DLGAP2: variants seen among roughly 807,000 people sequenced by gnomAD.
The protein encoded by DLGAP2 is disks large-associated protein 2.
DLGAP2 carries 26 observed loss-of-function variants against 100.3 expected under a neutral mutation model. The observed-to-expected ratio is 0.26, with a 90% CI of 0.19 to 0.36. The LOEUF is 0.36. Among genes scored for constraint, DLGAP2 ranks in the 10% least tolerant of loss-of-function variants. DLGAP2 has a pLI of 1.00. For missense variants in DLGAP2, 1,858 were observed against 1,453.2 expected (o/e 1.28, Z -4.53); for synonymous variants, 886 against 630.1 (o/e 1.41, Z -6.08).
chr8:1,342,792 TG>T (rs1267022531), intron 3 of DLGAP2, among the ~76,000 whole-genome samples: 1 of 152,226 alleles, frequency 6.6e-6, no homozygotes, highest in Non-Finnish European at 1.5e-5. Context: ...AAGACTCATG[TG>T]GTGCCTATTT....
intron 2 of DLGAP2, among the ~76,000 whole-genome samples, chr8:938,465 C>A (rs1799122001): frequency 6.6e-6 from 1 of 152,150 alleles, no homozygotes. Flanking sequence ...GAAGAAAGAC[C>A]AGGCCTGGAC....
intron 4 of DLGAP2, among the ~76,000 whole-genome samples, chr8:1,514,479 G>C (rs1800291037): frequency 2.6e-5 from 4 of 152,218 alleles, no homozygotes; most frequent in Admixed American, 2.0e-4. Flanking sequence ...AGAAAATATT[G>C]TGTTGGAGAA....
rs1051660303 is a variant in DLGAP2, at chr8:1,069,981, A to C, written c.73+162015A>C. Among the ~76,000 whole-genome samples the C allele has an allele frequency of 2.0e-5, 3 of 152,246 alleles. No individual in the cohort carries two copies. The East Asian group carries it at 5.8e-4, about 29-fold the overall frequency. On this transcript the variant is annotated intron_variant, in intron 2 of 14. Transcript: ENST00000637795. ...GAGGGAAGGGATTTTAGATCAGAGTACATTAAACACACATTTAGCTTTGGA... is the reference window on the plus strand; with the variant it reads ...GAGGGAAGGGATTTTAGATCAGAGTCCATTAAACACACATTTAGCTTTGGA...
chr8:745,452 C>A (rs991543738), intron 1 of DLGAP2, among the ~76,000 whole-genome samples: 3 of 152,144 alleles, frequency 2.0e-5, no homozygotes, highest in Admixed American at 2.0e-4. Context: ...TTAAAGCAAC[C>A]AAACAGTATT....
intron 3 of DLGAP2, among the ~76,000 whole-genome samples, chr8:1,318,072 G>T (rs59313083): frequency 0.011 from 148 of 13,204 alleles, no homozygotes; most frequent in African/African-American, 0.045. Flanking sequence ...ACTCGTCAGT[G>T]TTTAAAAATA....
intron 1 of DLGAP2, among the ~76,000 whole-genome samples, chr8:785,121 G>A (rs901027324): frequency 1.3e-5 from 2 of 150,470 alleles, no homozygotes; most frequent in East Asian, 2.0e-4. Context: ...GGAGGCTGAG[G>A]CAGGAGAATG....
rs551780227 is a variant in DLGAP2, at chr8:1,201,105, G to A, written c.74-57746G>A. On this transcript the variant is annotated intron_variant, in intron 2 of 14. Transcript: ENST00000637795. ...ACCAGCACTGGGGAGGCTGCTCCCC[G>A]TCCCCGAGGCCTGGAGCCGTGGGAG... Among the ~76,000 whole-genome samples, 477 of 152,310 alleles carry A rather than the reference G, an allele frequency of 3.1e-3. 1 individual carries two copies. The highest frequency in any genetic ancestry group is 4.2e-3 in the Non-Finnish European group (288 of 68,018).
At chr8:1,621,706 A>G (rs1056075524) in intron 6 of DLGAP2, 1 of 152,412 alleles carries the variant, frequency 6.6e-6, no homozygotes, top group Non-Finnish European at 1.5e-5. Flanking sequence ...AAGCAAGGGT[A>G]TGGCATTTCC....
chr8:1,145,376 G>A (rs545885898), intron 2 of DLGAP2, among the ~76,000 whole-genome samples: 1 of 152,298 alleles, frequency 6.6e-6, no homozygotes, highest in East Asian at 1.9e-4. Context: ...GTTGGCTGCG[G>A]TTCCACTCGC....
chr8:1,605,856 T>C (rs1470796969), intron 6 of DLGAP2, among the ~76,000 whole-genome samples: 2 of 152,254 alleles, frequency 1.3e-5, no homozygotes, highest in Non-Finnish European at 1.5e-5. Flanking sequence ...GTTTAAAATA[T>C]GCCACAAAAG....
At chr8:876,149 T>G (rs1297333953) in intron 1 of DLGAP2, among the ~76,000 whole-genome samples, 1 of 152,222 alleles carries the variant, frequency 6.6e-6, no homozygotes, top group Non-Finnish European at 1.5e-5. Context: ...TTATACAATT[T>G]TATTTTAAAT....
chr8:1,279,550 T>A (rs1219215520), intron 3 of DLGAP2, among the ~76,000 whole-genome samples: 2 of 152,182 alleles, frequency 1.3e-5, no homozygotes, highest in African/African-American at 4.8e-5. Flanking sequence ...TAGACTACCG[T>A]AAGCTTAGCA....
chr8:1,672,228 A>ATT (rs150461910), intron 10 of DLGAP2, among the ~76,000 whole-genome samples: 18,820 of 134,408 alleles, frequency 0.14, 1,597 homozygotes, highest in South Asian at 0.3. Context: ...TTTATTTTTA[A>ATT]TTTTTTTTTT....
In DLGAP2 at chr8:1,632,813, G is replaced by A. The variant is rs759460676; in HGVS notation, c.1591-14G>A. Reference sequence around the variant, plus strand: ...GGAGGGCCGGGGCATCACGTGTGCTGTTGATGATTGCAGGTGAGCGAGGCG... The same window carrying A: ...GGAGGGCCGGGGCATCACGTGTGCTATTGATGATTGCAGGTGAGCGAGGCG... On this transcript the variant is annotated splice_polypyrimidine_tract_variant and intron_variant, in intron 7 of 14. Coordinates refer to ENST00000637795, the MANE Select transcript of DLGAP2 (RefSeq NM_001346810.2). 2 of 1,595,584 alleles carry A rather than the reference G, an allele frequency of 1.3e-6. No homozygotes were observed. Among genetic ancestry groups the A allele is most frequent in the Non-Finnish European group, 1.7e-6 (2 of 1,169,474 alleles).
chr8:913,199 G>T (rs1798523019), intron 2 of DLGAP2, among the ~76,000 whole-genome samples: 2 of 152,202 alleles, frequency 1.3e-5, no homozygotes, highest in African/African-American at 4.8e-5. Context: ...TCTGCATGTA[G>T]AGCTGTTGAA....
At chr8:1,173,662 A>G (rs6558417) in intron 2 of DLGAP2, among the ~76,000 whole-genome samples, 122,175 of 152,128 alleles carry the variant, frequency 0.8, 49,225 homozygotes, top group Admixed American at 0.85. Context: ...GCAAGACGTT[A>G]TGGGCGTAGG....
chr8:1,602,670 C>A (rs1188989581), intron 6 of DLGAP2, among the ~76,000 whole-genome samples: 5 of 152,188 alleles, frequency 3.3e-5, no homozygotes, highest in Admixed American at 1.3e-4. Flanking sequence ...CAAGGAAGCC[C>A]CTCCTTCCCA....
intron 4 of DLGAP2, among the ~76,000 whole-genome samples, chr8:1,543,557 G>C (rs1801433268): frequency 6.6e-6 from 1 of 152,104 alleles, no homozygotes; most frequent in Admixed American, 6.6e-5. Context: ...CCTTGTGTGG[G>C]GCCCCACCCT....
intron 3 of DLGAP2, among the ~76,000 whole-genome samples, chr8:1,414,390 A>AG (rs1166360447): frequency 6.6e-6 from 1 of 152,248 alleles, no homozygotes; most frequent in Non-Finnish European, 1.5e-5. Flanking sequence ...CAGAAATGCA[A>AG]GGTCCGGGGT....
Sources: gnomAD v4.1 joint callset for allele counts (sites outside exome capture counted in the v4.1 genomes callset) on GRCh38, gnomAD v4.1.1 for gene constraint, MANE v1.5 for transcripts, NCBI Gene and HGNC (gene_info 2026-07-23, HGNC 2026-07-21) for gene names.